Variants in INTS7 observed in about 807,000 individuals in gnomAD.
The protein encoded by INTS7 is chromosome 1 open reading frame 73.
Under a neutral mutation model 109.2 loss-of-function variants are expected in INTS7, and 46 were observed. The ratio of observed to expected loss-of-function variants is 0.42; its 90% CI spans 0.33 to 0.54. The LOEUF is 0.54. INTS7 is among the 20% of genes least tolerant of loss of function. The pLI is 0.07. For synonymous variants in INTS7, 412 were observed against 402.9 expected (o/e 1.02, Z -0.27); for missense variants, 929 against 1,132.4 (o/e 0.82, Z 2.58).
At chr1:211,956,692 T>C (rs371096385) in intron 16 of INTS7, among the ~76,000 whole-genome samples, 8 of 152,226 alleles carry the variant, frequency 5.3e-5, no homozygotes, top group African/African-American at 1.9e-4. Flanking sequence ...ACTGATTTTC[T>C]CTTTTGGCTT....
At chr1:212,023,920 C>A (rs1666811056) in intron 1 of INTS7, among the ~76,000 whole-genome samples, 1 of 152,170 alleles carries the variant, frequency 6.6e-6, no homozygotes, top group Admixed American at 6.6e-5. Flanking sequence ...CAGTTTCATT[C>A]TTCTGCATAG....
chr1:211,991,274 A>T (rs1379408504), intron 7 of INTS7, among the ~76,000 whole-genome samples: 2 of 152,204 alleles, frequency 1.3e-5, no homozygotes, highest in African/African-American at 4.8e-5. Flanking sequence ...GATACAGCAA[A>T]TTTTTAACTG....
intron 1 of INTS7, among the ~76,000 whole-genome samples, chr1:212,030,197 A>G (rs1352955747): frequency 1.3e-5 from 2 of 152,184 alleles, no homozygotes; most frequent in African/African-American, 4.8e-5. Context: ...GGATTAGTTC[A>G]TAGCCCATCA....
chr1:211,960,421 C>T (rs1328042174), intron 16 of INTS7, among the ~76,000 whole-genome samples: 2 of 152,140 alleles, frequency 1.3e-5, no homozygotes, highest in Non-Finnish European at 2.9e-5. Flanking sequence ...CGAATGACTG[C>T]ACTAACTCTC....
At chr1:211,976,309 C>T (rs945630927) in intron 12 of INTS7, among the ~76,000 whole-genome samples, 12 of 152,190 alleles carry the variant, frequency 7.9e-5, no homozygotes, top group African/African-American at 2.7e-4. Context: ...TTGGTTATAA[C>T]AATACAGAGC....
chr1:211,978,277 G>T lies in INTS7; in HGVS notation c.1465C>A (p.Leu489Ile), dbSNP rs746659614. 1.1e-5 allele frequency: 17 copies of T among 1,613,928 alleles called. No individual in the cohort carries two copies. Among genetic ancestry groups the T allele is most frequent in the Non-Finnish European group, 1.4e-5 (16 of 1,179,936 alleles). ...GRSATDKQQE[L>I]LVSLATVIFV... ...ATTCAAAATGGGCTTTTTACCAGAA[G>T]TTCTTGTTGCTTGTCTGTGGCTGAT... The change falls in exon 11 of 20, where the codon CTT (leucine) becomes ATT (isoleucine). Residue 489 changes from leucine (L) to isoleucine (I), a missense_variant. This residue lies in a region of INTS7 where 787 missense variants were observed against 901.1 expected (regional missense o/e 0.87). Transcript: ENST00000366994.
At chr1:212,004,356 A>G (rs1000381871) in intron 7 of INTS7, among the ~76,000 whole-genome samples, 1 of 152,120 alleles carries the variant, frequency 6.6e-6, no homozygotes, top group African/African-American at 2.4e-5. Flanking sequence ...AAACCCAAAA[A>G]ACCTCCAATT....
intron 5 of INTS7, among the ~76,000 whole-genome samples, chr1:212,010,648 C>T (rs1480028858): frequency 6.6e-6 from 1 of 152,170 alleles, no homozygotes; most frequent in Non-Finnish European, 1.5e-5. Flanking sequence ...TTCATAGACC[C>T]TGTAGTCATT....
At chr1:211,976,814 C>A in intron 11 of INTS7, 95 bp from the exon 12 acceptor site, 1 of 1,158,472 alleles carries the variant, frequency 8.6e-7, no homozygotes, top group South Asian at 1.4e-5. Context: ...AATTAGAGCC[C>A]ACTGCAAAAG....
chr1:212,017,113 A>T, intron 3 of INTS7, 90 bp from the exon 4 acceptor site: 1 of 1,022,308 alleles, frequency 9.8e-7, no homozygotes, highest in Non-Finnish European at 1.4e-6. Context: ...GATTATCAAA[A>T]CTAAAGTTTA....
chr1:212,014,701 G>C (rs1290426648), intron 4 of INTS7, among the ~76,000 whole-genome samples: 1 of 143,790 alleles, frequency 7.0e-6, no homozygotes, highest in South Asian at 2.3e-4. Flanking sequence ...GCGCCGCCAC[G>C]CCTGACTGGT....
At chr1:212,007,048 T>C (rs986051189) in intron 6 of INTS7, among the ~76,000 whole-genome samples, 13 of 151,780 alleles carry the variant, frequency 8.6e-5, no homozygotes, top group African/African-American at 2.9e-4. Context: ...CTCCATAACA[T>C]CTCATTTTCC....
intron 16 of INTS7, among the ~76,000 whole-genome samples, chr1:211,954,797 T>C (rs1184249481): frequency 6.6e-6 from 1 of 152,254 alleles, no homozygotes; most frequent in Non-Finnish European, 1.5e-5. Flanking sequence ...TTGGTTACTG[T>C]AGCCTTGTAG....
chr1:212,005,482 C>T (rs536638773), intron 7 of INTS7, among the ~76,000 whole-genome samples: 7 of 152,258 alleles, frequency 4.6e-5, no homozygotes, highest in South Asian at 2.1e-4. Context: ...ATTTTACATA[C>T]TTTTCTCACT....
intron 8 of INTS7, among the ~76,000 whole-genome samples, chr1:211,983,842 T>C (rs1223504404): frequency 8.3e-6 from 1 of 120,970 alleles, no homozygotes; most frequent in Admixed American, 8.3e-5. Context: ...TGGGTTTTTG[T>C]TTGTTTTGTT....
intron 1 of INTS7, among the ~76,000 whole-genome samples, chr1:212,030,089 T>C (rs1174515565): frequency 1.3e-5 from 2 of 152,218 alleles, no homozygotes; most frequent in African/African-American, 4.8e-5. Flanking sequence ...TACCAACTTC[T>C]AGGAATATTT....
chr1:212,034,389 C>A (rs1442575828), intron 1 of INTS7, among the ~76,000 whole-genome samples: 1 of 152,148 alleles, frequency 6.6e-6, no homozygotes, highest in Non-Finnish European at 1.5e-5. Flanking sequence ...ATAGACATGT[C>A]CAACTCAGAA....
intron 1 of INTS7, among the ~76,000 whole-genome samples, chr1:212,029,050 T>A (rs1462712222): frequency 6.6e-6 from 1 of 152,194 alleles, no homozygotes; most frequent in Non-Finnish European, 1.5e-5. Flanking sequence ...GGTGGAATTC[T>A]GAGGTGATGA....
intron 16 of INTS7, among the ~76,000 whole-genome samples, chr1:211,955,609 G>C (rs1350470887): frequency 6.6e-6 from 1 of 152,072 alleles, no homozygotes; most frequent in Non-Finnish European, 1.5e-5. Flanking sequence ...ATACAATGTA[G>C]GTAATTTAAA....
Sources: allele counts gnomAD v4.1 joint callset (sites outside exome capture counted in the v4.1 genomes callset), GRCh38; gene constraint gnomAD v4.1.1; regional missense constraint gnomAD v4.1.1; transcripts MANE v1.5; gene names NCBI Gene and HGNC (gene_info 2026-07-23, HGNC 2026-07-21).